The following SEMA5B variants were observed in gnomAD, a reference collection of about 807,000 sequenced individuals.
SEMA5B encodes semaphorin 5B.
In SEMA5B, 66 loss-of-function variants were observed where a neutral mutation model predicts 135.0. That is an observed-to-expected ratio of 0.49 (90% CI 0.40 to 0.60). The LOEUF is 0.60. SEMA5B is among the 20% of genes least tolerant of loss of function. SEMA5B has a pLI of 0.00. For missense variants in SEMA5B, 1,501 were observed against 1,566.3 expected (o/e 0.96, Z 0.70); for synonymous variants, 690 against 639.5 (o/e 1.08, Z -1.19).
intron 1 of SEMA5B, among the ~76,000 whole-genome samples, chr3:122,977,372 G>A (rs1476277079): frequency 6.6e-6 from 1 of 152,200 alleles, no homozygotes; most frequent in East Asian, 1.9e-4. Context: ...TAGCATAAGT[G>A]CATCCCAAAT....
chr3:123,000,347 G>T (rs925400745), intron 1 of SEMA5B, among the ~76,000 whole-genome samples: 2 of 152,100 alleles, frequency 1.3e-5, no homozygotes, highest in African/African-American at 4.8e-5. Context: ...GCAAACCCTG[G>T]GCAAAGGTTC....
chr3:122,962,746 T>C (rs1435300691), intron 1 of SEMA5B, among the ~76,000 whole-genome samples: 1 of 152,224 alleles, frequency 6.6e-6, no homozygotes, highest in East Asian at 1.9e-4. Flanking sequence ...CTGCCTTGCT[T>C]TCTGTGCTGG....
In SEMA5B at chr3:123,007,244, G is replaced by A. The variant is rs143033500; in HGVS notation, c.-39+20220C>T. Among the ~76,000 whole-genome samples, 10 of 152,158 alleles carry A rather than the reference G, an allele frequency of 6.6e-5. No homozygotes were observed. The East Asian group carries it at 1.9e-3, about 29-fold the overall frequency. On this transcript the variant is annotated intron_variant, in intron 1 of 22. Coordinates refer to ENST00000357599, the MANE Select transcript of SEMA5B (RefSeq NM_001031702.4). ...GGTTTTGCTCTCAGGAGCTGAGGGT[G>A]GACAAGGGCTCACTAGATAGCCCCT...
Position 122,939,324 on chromosome 3 carries a change from A to G in SEMA5B, c.474+101T>C, listed in dbSNP as rs566044886. ...AAAGAACAAGTGGCTCCTGTTTTCA[A>G]CTTTAGGGGCTGAATTCTGAATGGC... On this transcript the variant is annotated intron_variant, in intron 5 of 22. Transcript: ENST00000357599. 197 of 951,624 alleles carry G rather than the reference A, an allele frequency of 2.1e-4. 1 individual carries two copies. Among genetic ancestry groups the G allele is most frequent in the East Asian group, 2.0e-3 (83 of 41,816 alleles). The allele number at this position is 951,624 out of a possible 1,614,324, so 58.9% of individuals were successfully genotyped here.
intron 12 of SEMA5B, among the ~76,000 whole-genome samples, chr3:122,919,489 T>G (rs1219546502): frequency 1.3e-5 from 2 of 152,190 alleles, no homozygotes; most frequent in Non-Finnish European, 2.9e-5. Context: ...CCCTGGATCC[T>G]GGGCAGAGGA....
At chr3:122,956,143 G>T (rs545428561) in intron 2 of SEMA5B, among the ~76,000 whole-genome samples, 1 of 152,328 alleles carries the variant, frequency 6.6e-6, no homozygotes, top group African/African-American at 2.4e-5. Flanking sequence ...GTGGGGGAGG[G>T]GAGATGCAGC....
chr3:122,959,403 T>C (rs1407945192), intron 2 of SEMA5B, among the ~76,000 whole-genome samples: 1 of 152,066 alleles, frequency 6.6e-6, no homozygotes, highest in African/African-American at 2.4e-5. Context: ...ACACAGCCAT[T>C]TAGAAAATGA....
chr3:123,007,063 C>T (rs368390471), intron 1 of SEMA5B, among the ~76,000 whole-genome samples: 24 of 152,286 alleles, frequency 1.6e-4, no homozygotes, highest in African/African-American at 5.8e-4. Context: ...TAAAAGAACA[C>T]TCCCACAATG....
rs754122582 is a variant in SEMA5B at position 122,912,955 on chromosome 3, C to T, written c.2613G>A (p.Leu871=). The T allele has an allele frequency of 1.8e-4, 298 of 1,612,374 alleles. 1 individual carries two copies. The highest frequency in any genetic ancestry group is 3.3e-4 in the Middle Eastern group (2 of 6,080). The change falls in exon 18 of 23, where the codon CTG becomes CTA. Residue 871 remains leucine (L), a synonymous_variant. Transcript: ENST00000357599. ...ACGTTCTCTTGCGGACGCGGAAGCC[C>T]AGCTCGCAGTCCCGGGAGCAGGACG... ...PWSSCSRDCE[L]GFRVRKRTCT... is the part of the protein sequence containing the mutation.
At chr3:122,996,061 C>G (rs993181318) in intron 1 of SEMA5B, among the ~76,000 whole-genome samples, 3 of 152,248 alleles carry the variant, frequency 2.0e-5, no homozygotes, top group Non-Finnish European at 2.9e-5. Flanking sequence ...GGCCTTTCCC[C>G]TCTCTGACTC....
In SEMA5B at chr3:122,913,270, AG is replaced by A; in HGVS notation, c.2434del (p.Leu812CysfsTer41). On this transcript the variant is annotated frameshift_variant, in exon 17 of 23. Coordinates refer to ENST00000357599, the MANE Select transcript of SEMA5B (RefSeq NM_001031702.4). LOFTEE classifies it high-confidence loss of function. ...CTCGGTCCTTCTCCTGCCGAACTGC[AG>A]GCCGTGCGGGTCTGCAAGGGGCGCG... ...CRAPLADPHG[L>X]QFGRRRTETR... 1 of 1,584,348 alleles carries A rather than the reference AG, an allele frequency of 6.3e-7. No individual in the cohort carries two copies. The highest frequency in any genetic ancestry group is 8.5e-7 in the Non-Finnish European group (1 of 1,173,830).
chr3:122,978,531 A>G (rs79609219), intron 1 of SEMA5B, among the ~76,000 whole-genome samples: 2 of 152,186 alleles, frequency 1.3e-5, no homozygotes, highest in Non-Finnish European at 1.5e-5. Context: ...TATGTTCCTG[A>G]AAACCTTACA....
chr3:123,028,192 C>T (rs1414041083), upstream of SEMA5B, among the ~76,000 whole-genome samples: 1 of 152,216 alleles, frequency 6.6e-6, no homozygotes, highest in Admixed American at 6.5e-5. Context: ...AACCCCACTC[C>T]GGACTCCCAC....
At position 122,910,854 on chromosome 3, in the gene SEMA5B, G is replaced by C. The variant is rs189385964; in HGVS notation, c.3283C>G (p.Pro1095Ala). 5.3e-5 allele frequency: 86 copies of C among 1,611,590 alleles called. 2 individuals are homozygous for C. In the South Asian group the frequency reaches 7.0e-4, roughly 13 times the overall value. ...GGTPKNEKYT[P>A]MEFKTLNKNN... ...AAGGCTCCCACCTTGAATTCCATGG[G>C]TGTGTACTTTTCATTCTTCGGGGTG... Residue 1095 changes from proline (P) to alanine (A), a missense_variant, in exon 22 of 23, where the codon CCC (proline) becomes GCC (alanine). Transcript: ENST00000357599.
chr3:122,982,412 T>C (rs1473059700), intron 1 of SEMA5B, among the ~76,000 whole-genome samples: 1 of 152,218 alleles, frequency 6.6e-6, no homozygotes, highest in Non-Finnish European at 1.5e-5. Flanking sequence ...AATATCAGCC[T>C]GAGCCAGACA....
chr3:122,946,552 C>A (rs1389167654), intron 3 of SEMA5B, among the ~76,000 whole-genome samples: 1 of 152,146 alleles, frequency 6.6e-6, no homozygotes, highest in Non-Finnish European at 1.5e-5. Flanking sequence ...CTTTGCCCAG[C>A]ATGAATTGAG....
intron 5 of SEMA5B, among the ~76,000 whole-genome samples, chr3:122,935,536 ATCCT>A (rs1239635718): frequency 6.6e-6 from 1 of 151,984 alleles, no homozygotes; most frequent in Non-Finnish European, 1.5e-5. Flanking sequence ...ATGTCAATCA[ATCCT>A]TCCTTTCATC....
At chr3:123,012,667 A>G (rs936807922) in intron 1 of SEMA5B, among the ~76,000 whole-genome samples, 6 of 152,338 alleles carry the variant, frequency 3.9e-5, no homozygotes, top group Middle Eastern at 3.4e-3. Flanking sequence ...GTGTGCAGCC[A>G]TCTTGCCAAG....
rs114072784 is a variant in SEMA5B, at chr3:122,961,999, C to T, written c.-38-698G>A. Among the ~76,000 whole-genome samples, 635 of 152,308 alleles carry T rather than the reference C, an allele frequency of 4.2e-3. 1 individual carries two copies. Among genetic ancestry groups the T allele is most frequent in the African/African-American group, 0.015 (605 of 41,564 alleles). ...ACCCTTCTTCCGCTGTTGCCTCTCC[C>T]GTGGACCACAGCTGGGCAAGGTTCT... is the stretch of plus-strand genomic sequence containing the variant. On this transcript the variant is annotated intron_variant, in intron 1 of 22. Coordinates refer to ENST00000357599, the MANE Select transcript of SEMA5B (RefSeq NM_001031702.4).
Sources: gnomAD v4.1 joint callset for allele counts (sites outside exome capture counted in the v4.1 genomes callset) on GRCh38, gnomAD v4.1.1 for gene constraint, MANE v1.5 for transcripts, NCBI Gene and HGNC (gene_info 2026-07-23, HGNC 2026-07-21) for gene names.